Variants in FSTL5 observed in about 807,000 individuals in gnomAD.
The protein encoded by FSTL5 is follistatin like 5.
A neutral mutation model predicts 89.1 loss-of-function variants in FSTL5; 62 were observed. The observed-to-expected ratio is 0.70, with a 90% CI of 0.57 to 0.86. FSTL5 has a LOEUF of 0.86. Among genes scored for constraint, FSTL5 ranks in the 40% least tolerant of loss-of-function variants. The pLI is 0.00. For synonymous variants in FSTL5, 383 were observed against 346.2 expected, an observed-to-expected ratio of 1.11 and a Z score of -1.18; for missense variants, 1,057 against 1,001.6, an observed-to-expected ratio of 1.06 and a Z score of -0.75.
At chr4:161,560,050 A>ATT (rs59070841) in intron 8 of FSTL5, among the ~76,000 whole-genome samples, 5,881 of 150,708 alleles carry the variant, frequency 0.039, 370 homozygotes, top group African/African-American at 0.13. Context: ...TCTTGGTGTG[A>ATT]TTTTTTTTTC....
At chr4:162,104,456 C>G (rs75042673) in intron 2 of FSTL5, among the ~76,000 whole-genome samples, 1,805 of 152,264 alleles carry the variant, frequency 0.012, 43 homozygotes, top group African/African-American at 0.041. Flanking sequence ...GCTCTGAGAG[C>G]AAGGACCCAC....
intron 2 of FSTL5, among the ~76,000 whole-genome samples, chr4:162,085,191 T>C (rs1183335338): frequency 6.6e-6 from 1 of 152,084 alleles, no homozygotes; most frequent in East Asian, 1.9e-4. Context: ...TTCTATTTAC[T>C]AAAATCTTTT....
At chr4:161,808,135 T>C (rs959840415) in intron 4 of FSTL5, among the ~76,000 whole-genome samples, 2 of 152,118 alleles carry the variant, frequency 1.3e-5, no homozygotes, top group Non-Finnish European at 2.9e-5. Context: ...CCAAGTGATA[T>C]AGTTTTTAGA....
chr4:161,464,049 T>G (rs908698684), intron 13 of FSTL5, among the ~76,000 whole-genome samples: 7 of 152,170 alleles, frequency 4.6e-5, no homozygotes, highest in African/African-American at 7.2e-5. Context: ...AGCTCCAAAC[T>G]GTCAGTTTTT....
intron 8 of FSTL5, among the ~76,000 whole-genome samples, chr4:161,563,563 T>C (rs546681876): frequency 6.6e-6 from 1 of 152,072 alleles, no homozygotes; most frequent in African/African-American, 2.4e-5. Flanking sequence ...GCTTCTTTAT[T>C]ATTATTTCTG....
chr4:161,903,422 A>G (rs1235004519), intron 4 of FSTL5, among the ~76,000 whole-genome samples: 2 of 152,062 alleles, frequency 1.3e-5, no homozygotes, highest in African/African-American at 2.4e-5. Flanking sequence ...TTATTTCTTC[A>G]ATTATTATTG....
intron 8 of FSTL5, among the ~76,000 whole-genome samples, chr4:161,586,056 A>T (rs1290098052): frequency 2.6e-5 from 4 of 152,146 alleles, no homozygotes; most frequent in East Asian, 3.9e-4. Flanking sequence ...ATTACCCAAT[A>T]TTTTCAAACT....
At chr4:162,142,572 AG>A in intron 1 of FSTL5, among the ~76,000 whole-genome samples, 1 of 152,268 alleles carries the variant, frequency 6.6e-6, no homozygotes, top group South Asian at 2.1e-4. Flanking sequence ...GTTTAAAGAC[AG>A]TGACAATAGC....
At chr4:161,603,308 T>A (rs1734317023) in intron 7 of FSTL5, among the ~76,000 whole-genome samples, 1 of 152,222 alleles carries the variant, frequency 6.6e-6, no homozygotes, top group Admixed American at 6.5e-5. Context: ...TTGCACTATA[T>A]TATAGTTTAG....
At chr4:161,872,691 G>C (rs1235363850) in intron 4 of FSTL5, among the ~76,000 whole-genome samples, 1 of 152,132 alleles carries the variant, frequency 6.6e-6, no homozygotes, top group Non-Finnish European at 1.5e-5. Context: ...TTAGGTGAGC[G>C]ATAAAGGGCT....
intron 6 of FSTL5, among the ~76,000 whole-genome samples, chr4:161,677,711 C>A (rs971558448): frequency 6.6e-6 from 1 of 151,932 alleles, no homozygotes; most frequent in Non-Finnish European, 1.5e-5. Context: ...ACTAAGAAGA[C>A]TGCAATTAAA....
At chr4:161,508,467 A>G (rs550509503) in intron 11 of FSTL5, among the ~76,000 whole-genome samples, 30 of 152,302 alleles carry the variant, frequency 2.0e-4, no homozygotes, top group Admixed American at 3.3e-4. Context: ...TTTGTCAAGC[A>G]CATTTTATAT....
intron 12 of FSTL5, among the ~76,000 whole-genome samples, chr4:161,482,818 G>A (rs566523465): frequency 3.0e-4 from 45 of 152,318 alleles, no homozygotes; most frequent in Non-Finnish European, 5.4e-4. Context: ...TCTAATTCAG[G>A]AAGGCTCTGG....
intron 4 of FSTL5, among the ~76,000 whole-genome samples, chr4:161,890,530 A>T (rs1732952135): frequency 6.6e-6 from 1 of 152,022 alleles, no homozygotes; most frequent in South Asian, 2.1e-4. Context: ...TCTACTAAAA[A>T]TACAAAAATT....
intron 10 of FSTL5, among the ~76,000 whole-genome samples, chr4:161,526,161 C>T (rs992441552): frequency 6.6e-6 from 1 of 152,104 alleles, no homozygotes; most frequent in Non-Finnish European, 1.5e-5. Context: ...TCTGAAATTA[C>T]ATTTTGACAT....
At chr4:161,480,997 T>G in intron 13 of FSTL5, 23 bp downstream of exon 13, 1 of 1,536,568 alleles carries the variant, frequency 6.5e-7, no homozygotes, top group Non-Finnish European at 8.9e-7. Context: ...ATTTACTTTT[T>G]AAAAAGTAGT....
In FSTL5 at chr4:162,069,929, C is replaced by T. The variant is rs575708588; in HGVS notation, c.127-36271G>A. On this transcript the variant is annotated intron_variant, in intron 2 of 15. Coordinates refer to ENST00000306100, the MANE Select transcript of FSTL5 (RefSeq NM_020116.5). ...CTAGTAGAGGATTGATGAATCATAT[C>T]ATATTCCTATACTAATTTTTAAAGG... 5.3e-5 allele frequency among the ~76,000 whole-genome samples: 8 copies of T among 151,932 alleles called. No individual in the cohort carries two copies. In the South Asian group the frequency reaches 1.7e-3, roughly 32 times the overall value.
intron 3 of FSTL5, among the ~76,000 whole-genome samples, chr4:161,942,602 C>T (rs1734618859): frequency 6.6e-6 from 1 of 151,950 alleles, no homozygotes; most frequent in South Asian, 2.1e-4. Context: ...CAATTCTTAA[C>T]CTATTCCAAA....
At chr4:161,394,765 A>G (rs1347279952) in intron 15 of FSTL5, among the ~76,000 whole-genome samples, 1 of 152,128 alleles carries the variant, frequency 6.6e-6, no homozygotes, top group African/African-American at 2.4e-5. Context: ...ATTTATCTGG[A>G]TTTGCTATTT....
Sources: gnomAD v4.1 joint callset for allele counts (sites outside exome capture counted in the v4.1 genomes callset) on GRCh38, gnomAD v4.1.1 for gene constraint, MANE v1.5 for transcripts, NCBI Gene and HGNC (gene_info 2026-07-23, HGNC 2026-07-21) for gene names.